COL6A2: variants seen among roughly 807,000 people sequenced by gnomAD.
COL6A2 encodes the protein collagen alpha-2(VI) chain.
A neutral mutation model predicts 124.9 loss-of-function variants in COL6A2; 90 were observed. That is an observed-to-expected ratio of 0.72 (90% CI 0.61 to 0.86). The LOEUF (loss-of-function observed/expected upper bound fraction) is 0.86, where lower values mean the gene tolerates loss of function less well. Ranked by LOEUF, COL6A2 falls within the 40% of genes least tolerant of loss-of-function variation. The probability of loss-of-function intolerance (pLI) is 0.00; values close to 1 mark genes in which losing one functional copy is unlikely to be tolerated. For missense variants in COL6A2, 1,607 were observed against 1,502.5 expected, an observed-to-expected ratio of 1.07 and a Z score of -1.15; for synonymous variants, 793 against 618.2, an observed-to-expected ratio of 1.28 and a Z score of -4.19.
intron 23 of COL6A2, 23 bp from the exon 24 acceptor site, chr21:46,125,243 C>G (rs751814410): frequency 3.2e-5 from 52 of 1,610,884 alleles, no homozygotes; most frequent in Non-Finnish European, 4.2e-5. Flanking sequence ...GGGGGACTAC[C>G]CTGCCTGCCG....
intron 11 of COL6A2, 100 bp downstream of exon 11, chr21:46,117,553 TCCCGGCAG>T (rs2078491705): frequency 1.6e-6 from 2 of 1,241,150 alleles, no homozygotes; most frequent in African/African-American, 3.0e-5. Context: ...GCGTGGGTTC[TCCCGGCAG>T]CCCAGCAGCC....
At position 46,121,467 on chromosome 21, in the gene COL6A2, GGTCAGGGCTGGACGGGGCAT is replaced by G. The variant is rs1331564391; in HGVS notation, c.1459-82_1459-63del. The G allele has an allele frequency of 1.6e-6, 2 of 1,287,396 alleles. No individual in the cohort carries two copies. Among genetic ancestry groups the G allele is most frequent in the East Asian group, 4.8e-5 (2 of 41,960 alleles). The allele number at this position is 1,287,396 out of a possible 1,614,324, so 79.7% of individuals were successfully genotyped here. ...AGGAGCTGCGGCCATGTGGCCTGGT[GGTCAGGGCTGGACGGGGCAT>G]GTCAGGTGACCCCTGGGCATGGCCA... On this transcript the variant is annotated intron_variant, in intron 17 of 27. Coordinates refer to ENST00000300527, the MANE Select transcript of COL6A2 (RefSeq NM_001849.4).
rs181051203 is a variant in COL6A2, at chr21:46,112,607, C to T, written c.714+30C>T. ...GCCGCGGGCGGGAGCACCGTCCACG[C>T]GCCAGGGGTGGCCACGGTGGGCCGT... is the stretch of plus-strand genomic sequence containing the variant. On this transcript the variant is annotated intron_variant, in intron 3 of 27. Coordinates refer to ENST00000300527, the MANE Select transcript of COL6A2 (RefSeq NM_001849.4). 5.6e-4 allele frequency: 908 copies of T among 1,608,976 alleles called. 2 individuals are homozygous for T. The highest frequency in any genetic ancestry group is 7.1e-4 in the Non-Finnish European group (836 of 1,177,716).
chr21:46,126,253 C>CG lies in COL6A2; in HGVS notation c.2422+20dup. The CG allele has an allele frequency of 6.3e-7, 1 of 1,596,932 alleles. No individual in the cohort carries two copies. Among genetic ancestry groups the CG allele is most frequent in the Non-Finnish European group, 8.5e-7 (1 of 1,177,572 alleles). On this transcript the variant is annotated intron_variant, in intron 26 of 27. Coordinates refer to ENST00000300527, the MANE Select transcript of COL6A2 (RefSeq NM_001849.4). ...CTCTGCCCGGGTGAGCGTGTGGGCGCGGGGCAGTCGGCCGAGGAGCAGCAG... is the reference window on the plus strand; with the variant it reads ...CTCTGCCCGGGTGAGCGTGTGGGCGCGGGGGCAGTCGGCCGAGGAGCAGCAG...
chr21:46,119,526 C>T (rs934261666), intron 14 of COL6A2, among the ~76,000 whole-genome samples: 5 of 152,226 alleles, frequency 3.3e-5, no homozygotes, highest in Non-Finnish European at 7.3e-5. Flanking sequence ...ACCAGACATC[C>T]AACTCCACCT....
At position 46,119,868 on chromosome 21, in the gene COL6A2, G is replaced by A. The variant is rs1310163275; in HGVS notation, c.1332+18G>A. 1.3e-6 allele frequency: 2 copies of A among 1,553,066 alleles called. No individual in the cohort carries two copies. The highest frequency in any genetic ancestry group is 1.4e-5 in the African/African-American group (1 of 73,530). ...GGGAGAAGGTGAGTCCTCGTGTGGA[G>A]GCAGCCCAGGGTCTCACTGTGGTGC... On this transcript the variant is annotated intron_variant, in intron 15 of 27. Coordinates refer to ENST00000300527, the MANE Select transcript of COL6A2 (RefSeq NM_001849.4).
rs1263031413 is a variant in COL6A2, at chr21:46,098,167, G to A, written c.-34G>A. The A allele has an allele frequency of 6.6e-6, 1 of 152,184 alleles. No homozygotes were observed. Among genetic ancestry groups the A allele is most frequent in the Admixed American group, 6.5e-5 (1 of 15,278 alleles). 9.4% of individuals were successfully genotyped at this position (152,184 alleles called of 1,614,324 possible). A position where few individuals can be genotyped will look rare whatever the true frequency, so the allele number is the denominator to read the frequency against. On this transcript the variant is annotated 5_prime_UTR_variant, in exon 1 of 28. Transcript: ENST00000300527. The stretch of plus-strand genomic sequence containing the variant: ...GGCCGTCGGGAGCGGAGCCTCCTCG[G>A]GACCAGGTGAGCGCCTCCCGGACCC...
intron 1 of COL6A2, among the ~76,000 whole-genome samples, chr21:46,109,177 C>A (rs868785884): frequency 8.5e-5 from 13 of 152,104 alleles, no homozygotes; most frequent in South Asian, 4.1e-4. Flanking sequence ...TAGTGTTCAG[C>A]TCTCAGCAGA....
Position 46,116,672 on chromosome 21 carries a change from C to T in COL6A2, c.949C>T (p.Arg317Cys). 15 of 1,613,046 alleles carry T rather than the reference C, an allele frequency of 9.3e-6. No homozygotes were observed. The highest frequency in any genetic ancestry group is 2.2e-5 in the East Asian group (1 of 44,882). The change falls in exon 9 of 28, where the codon CGC becomes TGC. Residue 317 changes from arginine to cysteine, a missense_variant. Coordinates refer to ENST00000300527, the MANE Select transcript of COL6A2 (RefSeq NM_001849.4). This position sits in a 1 kb window ranked among gnomAD's most constrained non-coding sequence, Gnocchi z 4.6. ...GEKGEFGADG[R>C]KGAPGLAGKN... ...ACAGGGTGAATTTGGAGCCGACGGT[C>T]GCAAGGTAGGCTGGCTGGGTAGGCA...
At position 46,116,704 on chromosome 21, in the gene COL6A2, C is replaced by T. The variant is rs1446714580; in HGVS notation, c.954+27C>T. ...TAGGCTGGCTGGGTAGGCAGAGCCCCTCCTTCCTGCTGCTCAGGGCAGAAG... is the reference window on the plus strand; with the variant it reads ...TAGGCTGGCTGGGTAGGCAGAGCCCTTCCTTCCTGCTGCTCAGGGCAGAAG... On this transcript the variant is annotated intron_variant, in intron 9 of 27. Coordinates refer to ENST00000300527, the MANE Select transcript of COL6A2 (RefSeq NM_001849.4). The surrounding 1 kb of genome is among the most constrained non-coding windows in gnomAD (Gnocchi z 4.6). The T allele has an allele frequency of 1.2e-6, 2 of 1,613,050 alleles. No homozygotes were observed. The highest frequency in any genetic ancestry group is 2.2e-5 in the East Asian group (1 of 44,880).
At chr21:46,131,879 A>G in intron 27 of COL6A2, 75 bp from the exon 28 acceptor site, 4 of 1,372,992 alleles carry the variant, frequency 2.9e-6, no homozygotes, top group Non-Finnish European at 4.0e-6. Flanking sequence ...ATGGAAGGGC[A>G]CAGGTGCGGG....
chr21:46,099,389 C>T (rs998632819), intron 1 of COL6A2, among the ~76,000 whole-genome samples: 2 of 123,022 alleles, frequency 1.6e-5, no homozygotes, highest in African/African-American at 3.1e-5. Flanking sequence ...ACCTGGGAGG[C>T]GGAGGCTGCA....
In COL6A2 at chr21:46,132,317, T is replaced by C. The variant is rs953886630; in HGVS notation, c.2825T>C (p.Leu942Pro). ...GGCGGGGCCCGGAGGCACGCAGAGC[T>C]GTCCTTCGTGTTCCTCACGGACGGC... is the stretch of plus-strand genomic sequence containing the variant. ...PRGGARRHAE[L>P]SFVFLTDGVT... Residue 942 changes from leucine (L) to proline (P), a missense_variant, in exon 28 of 28, where the codon CTG becomes CCG. By Grantham distance (98) the Leu-to-Pro change is moderately conservative. Transcript: ENST00000300527. 1.9e-6 allele frequency: 3 copies of C among 1,607,308 alleles called. No individual in the cohort carries two copies. Among genetic ancestry groups the C allele is most frequent in the Non-Finnish European group, 2.5e-6 (3 of 1,179,562 alleles).
At chr21:46,128,427 C>A (rs1330569879) in intron 27 of COL6A2, among the ~76,000 whole-genome samples, 19 of 152,250 alleles carry the variant, frequency 1.2e-4, no homozygotes, top group Admixed American at 1.2e-3. Context: ...TTTCACCAGC[C>A]CACACGGCCA....
Position 46,125,528 on chromosome 21 carries a change from G to A in COL6A2, c.1880G>A (p.Gly627Glu), listed in dbSNP as rs753721798. ...VFVIDSSESI[G>E]YTNFTLEKNF... is the part of the protein sequence containing the mutation. Reference sequence around the variant, plus strand: ...GTCATCGACAGCTCCGAGAGCATTGGGTACACCAACTTCACACTGGAGAAG... The same window carrying A: ...GTCATCGACAGCTCCGAGAGCATTGAGTACACCAACTTCACACTGGAGAAG... The change falls in exon 25 of 28, where the codon GGG (glycine) becomes GAG (glutamate). Residue 627 changes from glycine (G) to glutamate (E), a missense_variant. Physicochemically the swap from Gly to Glu is moderately conservative, Grantham distance 98 (BLOSUM62 -2). Transcript: ENST00000300527. 1.2e-6 allele frequency: 2 copies of A among 1,612,890 alleles called. No homozygotes were observed. Among genetic ancestry groups the A allele is most frequent in the Admixed American group, 3.3e-5 (2 of 60,006 alleles).
chr21:46,120,955 A>C (rs1260395531), intron 16 of COL6A2, 106 bp from the exon 17 acceptor site: 3 of 1,087,944 alleles, frequency 2.8e-6, no homozygotes, highest in African/African-American at 3.1e-5. Context: ...CCGGGGCCAG[A>C]CCCGTCTTAC....
chr21:46,131,110 G>A (rs2078754775), intron 27 of COL6A2, among the ~76,000 whole-genome samples: 1 of 152,198 alleles, frequency 6.6e-6, no homozygotes, highest in Non-Finnish European at 1.5e-5. Flanking sequence ...CTGAGAAGCA[G>A]ACACCCTTGG....
At chr21:46,123,049 G>A (rs2078592014) in intron 21 of COL6A2, 112 bp downstream of exon 21, 3 of 1,065,974 alleles carry the variant, frequency 2.8e-6, no homozygotes, top group Non-Finnish European at 2.9e-6. Context: ...CTTGGCCCCA[G>A]CCATGAGCAC....
chr21:46,119,007 T>C, intron 13 of COL6A2, 23 bp from the exon 14 acceptor site: 1 of 1,559,378 alleles, frequency 6.4e-7, no homozygotes, highest in Non-Finnish European at 8.8e-7. Flanking sequence ...TCTGGGTGAC[T>C]GTGCTGTCCT....
Sources: allele counts gnomAD v4.1 joint callset (sites outside exome capture counted in the v4.1 genomes callset), GRCh38; gene constraint gnomAD v4.1.1; non-coding constraint Gnocchi (gnomAD v3.1); transcripts MANE v1.5; gene names NCBI Gene and HGNC (gene_info 2026-07-23, HGNC 2026-07-21).